LAMA2: variants seen among roughly 807,000 people sequenced by gnomAD.
LAMA2 encodes the protein laminin subunit alpha-2.
In LAMA2, 269 loss-of-function variants were observed where a neutral mutation model predicts 364.8. That is an observed-to-expected ratio of 0.74 (90% CI 0.67 to 0.82). The LOEUF (loss-of-function observed/expected upper bound fraction) is 0.82, where lower values mean the gene tolerates loss of function less well. Among genes scored for constraint, LAMA2 ranks in the 40% least tolerant of loss-of-function variants. The pLI is 0.00. For missense variants in LAMA2, 3,807 were observed against 3,873.2 expected (o/e 0.98, Z 0.45); for synonymous variants, 1,379 against 1,370.6 (o/e 1.01, Z -0.14).
intron 1 of LAMA2, among the ~76,000 whole-genome samples, chr6:128,994,432 C>A (rs1238513867): frequency 6.6e-6 from 1 of 152,184 alleles, no homozygotes; most frequent in East Asian, 1.9e-4. Context: ...CAGTTAGGGT[C>A]TGAAACACTA....
intron 61 of LAMA2, among the ~76,000 whole-genome samples, chr6:129,507,126 G>A (rs1786152997): frequency 7.8e-6 from 1 of 128,668 alleles, no homozygotes; most frequent in South Asian, 2.5e-4. Context: ...ATATAGTAAG[G>A]TTAATAAACT....
chr6:129,252,366 G>A, intron 14 of LAMA2, 71 bp downstream of exon 14: 1 of 1,199,222 alleles, frequency 8.3e-7, no homozygotes, highest in Non-Finnish European at 1.2e-6. Flanking sequence ...GCCGCCCCAG[G>A]AGTGAATTTT....
chr6:129,045,112 G>A (rs370371259), intron 1 of LAMA2, among the ~76,000 whole-genome samples: 22 of 152,118 alleles, frequency 1.4e-4, no homozygotes, highest in East Asian at 1.3e-3. Context: ...ATGCTTAACC[G>A]ATTTTTAAAA....
intron 1 of LAMA2, among the ~76,000 whole-genome samples, chr6:128,924,593 T>C (rs1337063780): frequency 6.6e-6 from 1 of 152,144 alleles, no homozygotes; most frequent in Non-Finnish European, 1.5e-5. Context: ...TTAACATCCT[T>C]CTTAATCCCT....
chr6:129,120,173 A>T (rs1030254284), intron 4 of LAMA2, among the ~76,000 whole-genome samples: 1 of 152,206 alleles, frequency 6.6e-6, no homozygotes, highest in Non-Finnish European at 1.5e-5. Flanking sequence ...TATTTTGGTG[A>T]TTGTAAAAAT....
chr6:128,902,661 C>T (rs529196999), intron 1 of LAMA2, among the ~76,000 whole-genome samples: 288 of 152,206 alleles, frequency 1.9e-3, no homozygotes, highest in African/African-American at 6.5e-3. Flanking sequence ...GGGTGCGCTA[C>T]GCAAAGTGGA....
At chr6:129,392,371 C>T (rs1779368947) in intron 36 of LAMA2, among the ~76,000 whole-genome samples, 2 of 152,072 alleles carry the variant, frequency 1.3e-5, no homozygotes, top group Admixed American at 6.5e-5. Context: ...TGTCAGACCC[C>T]CTCCCAGACC....
rs1246343883 is a variant in LAMA2 at position 129,478,820 on chromosome 6, C to CTGT, written c.7572+9_7572+11dup. The stretch of plus-strand genomic sequence containing the variant: ...CAAAGGATGTTCCCTGGAGGTTGGT[C>CTGT]TGTTTTTGATAGTTCTCTAAACACA... On this transcript the variant is annotated splice_region_variant and intron_variant, in intron 54 of 64. Coordinates refer to ENST00000421865, the MANE Select transcript of LAMA2 (RefSeq NM_000426.4). The CTGT allele has an allele frequency of 1.9e-6, 3 of 1,611,954 alleles. No individual in the cohort carries two copies. Among genetic ancestry groups the CTGT allele is most frequent in the South Asian group, 2.2e-5 (2 of 91,044 alleles).
rs560445624 is a variant in LAMA2, at chr6:129,190,243, C to A, written c.1506C>A (p.Ser502=). ...VEGGDCSRCK[S]GFFNLQEDNW... ...GAGGAGACTGTAGTCGTTGCAAATCCGGCTTCTTCAATTTGCAAGAGGATA... is the reference window on the plus strand; with the variant it reads ...GAGGAGACTGTAGTCGTTGCAAATCAGGCTTCTTCAATTTGCAAGAGGATA... Residue 502 remains serine, a synonymous_variant, in exon 11 of 65, where the codon TCC becomes TCA. Transcript: ENST00000421865. The A allele has an allele frequency of 6.2e-7, 1 of 1,613,376 alleles. No individual in the cohort carries two copies. The highest frequency in any genetic ancestry group is 8.5e-7 in the Non-Finnish European group (1 of 1,179,548).
At chr6:129,492,129 T>C in intron 57 of LAMA2, 52 bp downstream of exon 57, 1 of 1,537,110 alleles carries the variant, frequency 6.5e-7, no homozygotes, top group Non-Finnish European at 9.0e-7. Flanking sequence ...TATTTCTTGC[T>C]ATTAGGGGTC....
At chr6:129,249,186 G>C (rs962194979) in intron 12 of LAMA2, among the ~76,000 whole-genome samples, 3 of 152,152 alleles carry the variant, frequency 2.0e-5, no homozygotes, top group African/African-American at 7.2e-5. Context: ...AGGCCATAGA[G>C]AGCCAACCCT....
intron 1 of LAMA2, among the ~76,000 whole-genome samples, chr6:128,893,063 A>G (rs1470101289): frequency 2.6e-5 from 4 of 151,978 alleles, no homozygotes; most frequent in Non-Finnish European, 5.9e-5. Context: ...CTGATACATT[A>G]GAAAAGTCAC....
At chr6:129,293,632 A>C (rs558346281) in intron 20 of LAMA2, among the ~76,000 whole-genome samples, 2 of 152,214 alleles carry the variant, frequency 1.3e-5, no homozygotes, top group African/African-American at 4.8e-5. Context: ...TTCTCATATC[A>C]CAGGACAAAA....
chr6:128,890,542 T>TACACACACACACACACACAC lies in LAMA2; in HGVS notation c.112+7193_112+7212dup, dbSNP rs56972149. On this transcript the variant is annotated intron_variant, in intron 1 of 64. Coordinates refer to ENST00000421865, the MANE Select transcript of LAMA2 (RefSeq NM_000426.4). Reference sequence around the variant, plus strand: ...TCTTGAAGGGTCTTTTTCATTTAAATACACACACACACACACACACACACA... The same window carrying TACACACACACACACACACAC: ...TCTTGAAGGGTCTTTTTCATTTAAATACACACACACACACACACACACACACACACACACACACACACACA... Among the ~76,000 whole-genome samples the TACACACACACACACACACAC allele has an allele frequency of 2.4e-3, 360 of 147,428 alleles. 2 individuals are homozygous for TACACACACACACACACACAC. Among genetic ancestry groups the TACACACACACACACACACAC allele is most frequent in the African/African-American group, 8.1e-3 (327 of 40,260 alleles).
intron 40 of LAMA2, among the ~76,000 whole-genome samples, chr6:129,416,567 T>C (rs567696675): frequency 6.8e-4 from 104 of 152,280 alleles, no homozygotes; most frequent in African/African-American, 2.4e-3. Context: ...CTTTGGGCCC[T>C]ACACAGACTG....
At chr6:128,930,549 C>A (rs1284222751) in intron 1 of LAMA2, among the ~76,000 whole-genome samples, 1 of 152,002 alleles carries the variant, frequency 6.6e-6, no homozygotes, top group African/African-American at 2.4e-5. Context: ...CAGTTCCCCC[C>A]ACCCTTCACA....
intron 18 of LAMA2, among the ~76,000 whole-genome samples, chr6:129,282,904 C>A (rs1788823988): frequency 6.6e-6 from 1 of 152,112 alleles, no homozygotes; most frequent in African/African-American, 2.4e-5. Context: ...GCCTTTTGCC[C>A]TGTCAAATCC....
chr6:128,923,250 T>G (rs892428374), intron 1 of LAMA2, among the ~76,000 whole-genome samples: 7 of 151,482 alleles, frequency 4.6e-5, no homozygotes, highest in Non-Finnish European at 8.8e-5. Context: ...GTGAAGAAAG[T>G]CATTGGTAGC....
At chr6:129,280,888 G>A (rs1023353356) in intron 18 of LAMA2, among the ~76,000 whole-genome samples, 2 of 152,082 alleles carry the variant, frequency 1.3e-5, no homozygotes, top group Admixed American at 6.6e-5. Context: ...TGGGAGGGAG[G>A]GGTGCAAAGG....
Sources: allele counts gnomAD v4.1 joint callset (sites outside exome capture counted in the v4.1 genomes callset), GRCh38; gene constraint gnomAD v4.1.1; transcripts MANE v1.5; gene names NCBI Gene and HGNC (gene_info 2026-07-23, HGNC 2026-07-21).